Variants in RDH13 observed in about 807,000 individuals in gnomAD.
RDH13 encodes the protein retinol dehydrogenase 13 (all-trans and 9-cis).
In RDH13, 35 loss-of-function variants were observed where a neutral mutation model predicts 28.3. The ratio of observed to expected loss-of-function variants is 1.24; its 90% CI spans 0.95 to 1.64. The LOEUF (loss-of-function observed/expected upper bound fraction) is 1.64, where lower values mean the gene tolerates loss of function less well. RDH13 is among the 40% of genes most tolerant of loss of function. The pLI is 0.00. For missense variants in RDH13, 514 were observed against 446.3 expected, an observed-to-expected ratio of 1.15 and a Z score of -1.37; for synonymous variants, 229 against 198.5, an observed-to-expected ratio of 1.15 and a Z score of -1.29.
At chr19:55,056,921 G>T in intron 2 of RDH13, 113 bp from the exon 3 acceptor site, 4 of 941,170 alleles carry the variant, frequency 4.3e-6, no homozygotes, top group African/African-American at 1.7e-5. Context: ...TGTTCACTGC[G>T]GCATTCTTCA....
intron 3 of RDH13, among the ~76,000 whole-genome samples, chr19:55,050,540 A>G (rs2075395130): frequency 6.6e-6 from 1 of 152,160 alleles, no homozygotes; most frequent in South Asian, 2.1e-4. Flanking sequence ...CTTCTTGCTC[A>G]GCCTCCCAAG....
chr19:55,054,054 G>GTATGAATGAATGAATGAACCAAC (rs1411038810), intron 3 of RDH13: 2 of 152,204 alleles, frequency 1.3e-5, no homozygotes, highest in African/African-American at 4.8e-5. Context: ...CAGGGGCTCA[G>GTATGAATGAATGAATGAACCAAC]TATGAATGAA....
intron 1 of RDH13, among the ~76,000 whole-genome samples, chr19:55,061,466 C>A (rs966881932): frequency 1.3e-5 from 2 of 151,998 alleles, no homozygotes; most frequent in African/African-American, 4.8e-5. Flanking sequence ...TCTGACTGAG[C>A]CTCCTGCTCC....
At chr19:55,041,996 G>A (rs1340304715), downstream of RDH13, 5 of 152,070 alleles carry the variant, frequency 3.3e-5, no homozygotes, top group African/African-American at 1.2e-4. Context: ...GAAAAGCCCA[G>A]AACGCTTCCT....
At chr19:55,053,466 TAACACGGTGA>T (rs1435675122) in intron 3 of RDH13, among the ~76,000 whole-genome samples, 2 of 151,530 alleles carry the variant, frequency 1.3e-5, no homozygotes, top group African/African-American at 2.4e-5. Flanking sequence ...CCATCCTGGC[TAACACGGTGA>T]AACCCCGTCT....
chr19:55,056,677 C>T lies in RDH13; in HGVS notation c.316G>A (p.Glu106Lys). The T allele has an allele frequency of 1.2e-6, 2 of 1,614,064 alleles. No homozygotes were observed. The highest frequency in any genetic ancestry group is 1.7e-6 in the Non-Finnish European group (2 of 1,180,014). The change falls in exon 3 of 7, where the codon GAG (glutamate) becomes AAG (lysine). Residue 106 changes from glutamate (E) to lysine (K), a missense_variant. Glu to Lys is a moderately conservative substitution (Grantham distance 56). Coordinates refer to ENST00000415061, the MANE Select transcript of RDH13 (RefSeq NM_001145971.2). ...LDLASLKSIREFAAKIIEEEE... is the reference protein window; with the variant it reads ...LDLASLKSIRKFAAKIIEEEE... The stretch of plus-strand genomic sequence containing the variant: ...CCTTCAATGATCTTTGCTGCAAACT[C>T]TCGGATAGACTTGAGGGAAGCCAAG...
chr19:55,049,074 T>C (rs1024946415), intron 3 of RDH13, among the ~76,000 whole-genome samples: 1 of 152,030 alleles, frequency 6.6e-6, no homozygotes, highest in African/African-American at 2.4e-5. Context: ...TGGAAGAGGC[T>C]GGGAGGATTA....
rs138334947 is a variant in RDH13 at position 55,062,570 on chromosome 19, C to T, written c.65+398G>A. Among the ~76,000 whole-genome samples, 1,051 of 151,856 alleles carry T rather than the reference C, an allele frequency of 6.9e-3. 6 individuals carry two copies. Among genetic ancestry groups the T allele is most frequent in the Non-Finnish European group, 0.012 (816 of 67,764 alleles). On this transcript the variant is annotated intron_variant, in intron 1 of 6. Coordinates refer to ENST00000415061, the MANE Select transcript of RDH13 (RefSeq NM_001145971.2). The stretch of plus-strand genomic sequence containing the variant: ...GGTGGCGCACGTGTGATCTCAGCTC[C>T]TGGGGACGCCAAGGTGGGAGGATCA...
At chr19:55,057,894 C>T (rs1399897586) in intron 2 of RDH13, among the ~76,000 whole-genome samples, 1 of 150,934 alleles carries the variant, frequency 6.6e-6, no homozygotes. Context: ...GCCTTGAACT[C>T]CTAGGCTCAA....
downstream of RDH13, chr19:55,042,680 TC>T (rs1406451803): frequency 6.6e-6 from 1 of 152,096 alleles, no homozygotes; most frequent in African/African-American, 2.4e-5. Context: ...CAATTCCCCC[TC>T]CTGGTATTTA....
At chr19:55,060,423 G>T (rs892487065) in intron 1 of RDH13, among the ~76,000 whole-genome samples, 12 of 152,180 alleles carry the variant, frequency 7.9e-5, no homozygotes, top group Non-Finnish European at 1.6e-4. Context: ...TTATGTCATA[G>T]ATTCTTTTGC....
chr19:55,041,583 A>G (rs1160374295), downstream of RDH13: 2 of 152,252 alleles, frequency 1.3e-5, no homozygotes, highest in African/African-American at 2.4e-5. Flanking sequence ...GCTCCAAGCC[A>G]GGGTTGCCAT....
At chr19:55,053,157 TTC>T (rs934183004) in intron 3 of RDH13, among the ~76,000 whole-genome samples, 8 of 150,926 alleles carry the variant, frequency 5.3e-5, no homozygotes, top group South Asian at 2.1e-4. Context: ...TTCCCAAAAC[TTC>T]TGTCTCCCAA....
At chr19:55,053,775 G>T (rs2075540145) in intron 3 of RDH13, 1 of 152,158 alleles carries the variant, frequency 6.6e-6, no homozygotes, top group South Asian at 2.1e-4. Context: ...GTCCAGCCGG[G>T]GTCCTCACTG....
At chr19:55,068,790 C>G (rs576100166) in intron 1 of RDH13, 2 of 141,310 alleles carry the variant, frequency 1.4e-5, no homozygotes, top group Admixed American at 7.4e-5. Context: ...GAGCCGAGAT[C>G]GCGCCACTGC....
Position 55,063,061 on chromosome 19 carries a change from A to AGACGTCAGGCGTCC in RDH13, c.-30_-29insGGACGCCTGACGTC. On this transcript the variant is annotated 5_prime_UTR_variant, in exon 1 of 7. Coordinates refer to ENST00000415061, the MANE Select transcript of RDH13 (RefSeq NM_001145971.2). ...GGGCCGGGGACAGGCGTCAGGCGTCAGGGGTCGGCGCGGAGCTTGCTGCAC... is the reference window on the plus strand; with the variant it reads ...GGGCCGGGGACAGGCGTCAGGCGTCAGACGTCAGGCGTCCGGGGTCGGCGCGGAGCTTGCTGCAC... 1 of 1,307,704 alleles carries AGACGTCAGGCGTCC rather than the reference A, an allele frequency of 7.6e-7. No homozygotes were observed. The highest frequency in any genetic ancestry group is 9.9e-7 in the Non-Finnish European group (1 of 1,015,154). The allele number at this position is 1,307,704 out of a possible 1,614,324, so 81.0% of individuals were successfully genotyped here.
intron 3 of RDH13, among the ~76,000 whole-genome samples, chr19:55,053,464 G>A (rs1173619454): frequency 1.3e-5 from 2 of 151,870 alleles, no homozygotes; most frequent in Non-Finnish European, 2.9e-5. Context: ...GACCATCCTG[G>A]CTAACACGGT....
intron 3 of RDH13, among the ~76,000 whole-genome samples, chr19:55,052,063 C>T (rs2075458903): frequency 1.7e-5 from 2 of 120,782 alleles, no homozygotes; most frequent in South Asian, 2.7e-4. Flanking sequence ...ACTGCCTCAA[C>T]TTTTTTTTTT....
At chr19:55,059,729 T>C (rs372336375) in intron 1 of RDH13, among the ~76,000 whole-genome samples, 3 of 152,084 alleles carry the variant, frequency 2.0e-5, no homozygotes, top group East Asian at 1.9e-4. Context: ...TGTGTCTATA[T>C]AGAAAGGAAA....
Sources: gnomAD v4.1 joint callset for allele counts (sites outside exome capture counted in the v4.1 genomes callset) on GRCh38, gnomAD v4.1.1 for gene constraint, MANE v1.5 for transcripts, NCBI Gene and HGNC (gene_info 2026-07-23, HGNC 2026-07-21) for gene names.